Variants in SYN2 observed in about 807,000 individuals in gnomAD.
The protein encoded by SYN2 is synapsin-2.
In SYN2, 19 loss-of-function variants were observed where a neutral mutation model predicts 50.9. The observed-to-expected ratio is 0.37, with a 90% CI of 0.26 to 0.55. SYN2 has a LOEUF of 0.55. Ranked by LOEUF, SYN2 falls within the 20% of genes least tolerant of loss-of-function variation. SYN2 has a pLI of 0.81. For missense variants in SYN2, 587 were observed against 576.4 expected (o/e 1.02, Z -0.19); for synonymous variants, 255 against 224.9 (o/e 1.13, Z -1.20).
At position 12,159,083 on chromosome 3, in the gene SYN2, C is replaced by A; in HGVS notation, c.775-2463C>A. The A allele has an allele frequency of 5.9e-6, 3 of 505,378 alleles. No homozygotes were observed. In the South Asian group the frequency reaches 1.1e-4, roughly 19 times the overall value. The allele number at this position is 505,378 out of a possible 1,614,324, so 31.3% of individuals were successfully genotyped here. A position where few individuals can be genotyped will look rare whatever the true frequency, so the allele number is the denominator to read the frequency against. ...GGGAAGCCTGGAAGGAGGCCCTGAC[C>A]TCTGTTTCCCTGCCTAAGTCATGAA... On this transcript the variant is annotated intron_variant, in intron 5 of 12. Transcript: ENST00000621198.
In SYN2 at chr3:12,098,880, T is replaced by TATATATATAA. The variant is rs1553614789; in HGVS notation, c.378-41770_378-41769insTATATATAAA. Among the ~76,000 whole-genome samples the TATATATATAA allele has an allele frequency of 8.9e-5, 13 of 145,516 alleles. 1 individual carries two copies. Among genetic ancestry groups the TATATATATAA allele is most frequent in the Admixed American group, 3.4e-4 (5 of 14,532 alleles). ...GCATATATATATATATATATATATA[T>TATATATATAA]AATGCAAATAGTAACCAAAAGAGAG... On this transcript the variant is annotated intron_variant, in intron 1 of 12. Coordinates refer to ENST00000621198, the MANE Select transcript of SYN2 (RefSeq NM_133625.6).
intron 10 of SYN2, among the ~76,000 whole-genome samples, chr3:12,172,058 G>T (rs1053971787): frequency 6.6e-6 from 1 of 152,150 alleles, no homozygotes; most frequent in Non-Finnish European, 1.5e-5. Flanking sequence ...TCAAGGATAA[G>T]GTTGAGCTTT....
chr3:12,035,504 C>G (rs1056196178), intron 1 of SYN2, among the ~76,000 whole-genome samples: 9 of 152,206 alleles, frequency 5.9e-5, no homozygotes, highest in African/African-American at 1.9e-4. Flanking sequence ...GAATTGACAG[C>G]TAATGTGTAA....
intron 7 of SYN2, among the ~76,000 whole-genome samples, chr3:12,163,241 C>CAAAAAAAAAAAAA (rs11404808): frequency 2.3e-4 from 28 of 122,454 alleles, no homozygotes; most frequent in African/African-American, 8.7e-4. Flanking sequence ...GACTCTGTCT[C>CAAAAAAAAAAAAA]AAAAAAAAAA....
chr3:12,159,596 C>T (rs556205143), intron 5 of SYN2, among the ~76,000 whole-genome samples: 29 of 152,266 alleles, frequency 1.9e-4, no homozygotes, highest in South Asian at 8.3e-4. Flanking sequence ...CTGGAGACAG[C>T]GCTCTTGGTG....
At chr3:12,110,824 A>G (rs1372841218) in intron 1 of SYN2, among the ~76,000 whole-genome samples, 1 of 152,174 alleles carries the variant, frequency 6.6e-6, no homozygotes, top group Admixed American at 6.5e-5. Context: ...TCCCATTTGG[A>G]AAGGCTGTAT....
intron 7 of SYN2, among the ~76,000 whole-genome samples, chr3:12,166,550 T>C (rs1697803180): frequency 3.3e-5 from 5 of 152,184 alleles, no homozygotes; most frequent in Admixed American, 3.3e-4. Context: ...GAGGGTGCCG[T>C]GGGCACAGCA....
chr3:12,157,490 GGAAGA>G, intron 5 of SYN2: 1 of 1,613,954 alleles, frequency 6.2e-7, no homozygotes, highest in African/African-American at 1.3e-5. Flanking sequence ...TCACTGCATA[GGAAGA>G]GAAAAGAGGG....
chr3:12,159,114 C>T (rs377381047), intron 5 of SYN2: 1 of 433,190 alleles, frequency 2.3e-6, no homozygotes, highest in African/African-American at 2.1e-5. Flanking sequence ...ATGAAGCGAT[C>T]TGGAAGCAGA....
chr3:12,057,485 A>T (rs1274903411), intron 1 of SYN2, among the ~76,000 whole-genome samples: 1 of 152,118 alleles, frequency 6.6e-6, no homozygotes, highest in Non-Finnish European at 1.5e-5. Flanking sequence ...AAGGGATTTT[A>T]TTTTCAGTCC....
chr3:12,095,264 G>C (rs1695904839), intron 1 of SYN2, among the ~76,000 whole-genome samples: 1 of 151,272 alleles, frequency 6.6e-6, no homozygotes, highest in African/African-American at 2.4e-5. Flanking sequence ...GGACCGTCAG[G>C]CTGGGAGCAG....
chr3:12,188,828 TG>T (rs1698394723), intron 12 of SYN2, among the ~76,000 whole-genome samples: 1 of 152,170 alleles, frequency 6.6e-6, no homozygotes, highest in Non-Finnish European at 1.5e-5. Flanking sequence ...TCCTGCCTGC[TG>T]ACTTTTTTTT....
intron 10 of SYN2, among the ~76,000 whole-genome samples, chr3:12,178,501 C>G (rs780753970): frequency 4.6e-5 from 7 of 152,196 alleles, no homozygotes; most frequent in Non-Finnish European, 8.8e-5. Flanking sequence ...CCAGTGATTT[C>G]CTTTCCAATC....
intron 1 of SYN2, among the ~76,000 whole-genome samples, chr3:12,109,361 A>T (rs1425351065): frequency 1.3e-5 from 2 of 152,232 alleles, no homozygotes; most frequent in Non-Finnish European, 2.9e-5. Context: ...GGTTATGAAG[A>T]TTACAAAAGT....
intron 1 of SYN2, among the ~76,000 whole-genome samples, chr3:12,105,818 G>C (rs1696175014): frequency 6.6e-6 from 1 of 152,040 alleles, no homozygotes; most frequent in African/African-American, 2.4e-5. Flanking sequence ...TAGCCTGAAG[G>C]GAGGCCACAT....
At chr3:12,085,556 G>T (rs307574) in intron 1 of SYN2, among the ~76,000 whole-genome samples, 130,404 of 152,104 alleles carry the variant, frequency 0.86, 55,924 homozygotes, top group South Asian at 0.87. Context: ...GTCATATTGC[G>T]TATCTTTTCC....
intron 1 of SYN2, among the ~76,000 whole-genome samples, chr3:12,095,308 G>T (rs1328185123): frequency 2.0e-5 from 3 of 150,368 alleles, no homozygotes; most frequent in African/African-American, 7.4e-5. Flanking sequence ...ACATTGGGAG[G>T]CCGAGGCAGG....
chr3:12,169,274 A>T (rs1055728056), intron 9 of SYN2, among the ~76,000 whole-genome samples: 1 of 152,200 alleles, frequency 6.6e-6, no homozygotes, highest in Admixed American at 6.5e-5. Context: ...GGTGGTAAAA[A>T]GGGAGGGCAA....
chr3:12,167,375 T>C, intron 8 of SYN2, 67 bp downstream of exon 8: 1 of 1,502,388 alleles, frequency 6.7e-7, no homozygotes, highest in Non-Finnish European at 9.1e-7. Context: ...TGAAGAAGTT[T>C]AGGAATTAAG....
Sources: allele counts gnomAD v4.1 joint callset (sites outside exome capture counted in the v4.1 genomes callset), GRCh38; gene constraint gnomAD v4.1.1; transcripts MANE v1.5; gene names NCBI Gene and HGNC (gene_info 2026-07-23, HGNC 2026-07-21).